The following SLC9A9 variants were observed in gnomAD, a reference collection of about 807,000 sequenced individuals.
SLC9A9 encodes the protein sodium/hydrogen exchanger 9.
Under a neutral mutation model 77.8 loss-of-function variants are expected in SLC9A9, and 62 were observed. That is an observed-to-expected ratio of 0.80 (90% CI 0.65 to 0.98). The LOEUF is 0.98. Ranked by LOEUF, SLC9A9 falls within the 50% of genes least tolerant of loss-of-function variation. SLC9A9 has a pLI of 0.00. For synonymous variants in SLC9A9, 320 were observed against 283.5 expected (o/e 1.13, Z -1.29); for missense variants, 775 against 774.9 (o/e 1.00, Z 0.00).
At chr3:143,372,966 C>T (rs930897442) in intron 13 of SLC9A9, among the ~76,000 whole-genome samples, 5 of 152,040 alleles carry the variant, frequency 3.3e-5, no homozygotes, top group African/African-American at 7.2e-5. Flanking sequence ...TAGTCATTGG[C>T]CTGAATGTGA....
intron 6 of SLC9A9, among the ~76,000 whole-genome samples, chr3:143,643,643 A>T (rs541479503): frequency 6.6e-6 from 1 of 152,304 alleles, no homozygotes; most frequent in Admixed American, 6.5e-5. Flanking sequence ...CTCTACATTT[A>T]GTAATGTTCG....
At chr3:143,752,129 T>G (rs2006744280) in intron 4 of SLC9A9, among the ~76,000 whole-genome samples, 1 of 152,124 alleles carries the variant, frequency 6.6e-6, no homozygotes, top group African/African-American at 2.4e-5. Flanking sequence ...ACCACAGAGT[T>G]CTCAGAAATC....
chr3:143,586,646 T>C (rs2037546282), intron 6 of SLC9A9, among the ~76,000 whole-genome samples: 1 of 152,248 alleles, frequency 6.6e-6, no homozygotes, highest in Admixed American at 6.5e-5. Flanking sequence ...TAATTATGAA[T>C]AAGGAATTGA....
In SLC9A9 at chr3:143,422,742, G is replaced by C. The variant is rs147859436; in HGVS notation, c.1470-40628C>G. On this transcript the variant is annotated intron_variant, in intron 12 of 15. Transcript: ENST00000316549. Reference sequence around the variant, plus strand: ...GTGTAACCCTGAATCTAAAATAAAAGTTGACATTATTTAAAAAAAGGAAAC... The same window carrying C: ...GTGTAACCCTGAATCTAAAATAAAACTTGACATTATTTAAAAAAAGGAAAC... Among the ~76,000 whole-genome samples, 586 of 152,186 alleles carry C rather than the reference G, an allele frequency of 3.9e-3. 3 individuals are homozygous for C. Among genetic ancestry groups the C allele is most frequent in the African/African-American group, 0.014 (571 of 41,510 alleles).
At chr3:143,428,977 T>C (rs990230402) in intron 12 of SLC9A9, among the ~76,000 whole-genome samples, 3 of 152,120 alleles carry the variant, frequency 2.0e-5, no homozygotes, top group African/African-American at 7.2e-5. Flanking sequence ...TTAGGAAGTT[T>C]TGGTGCTCTA....
At chr3:143,606,448 A>C (rs71621109) in intron 6 of SLC9A9, among the ~76,000 whole-genome samples, 43 of 139,224 alleles carry the variant, frequency 3.1e-4, no homozygotes, top group East Asian at 6.1e-4. Flanking sequence ...ATATATATAT[A>C]TATATATATA....
chr3:143,598,122 T>A (rs543237890), intron 6 of SLC9A9, among the ~76,000 whole-genome samples: 262 of 152,238 alleles, frequency 1.7e-3, no homozygotes, highest in Middle Eastern at 6.8e-3. Context: ...TTTTTTTAAA[T>A]GAAAATGTTA....
At chr3:143,627,422 A>C in intron 6 of SLC9A9, 2 of 223,854 alleles carry the variant, frequency 8.9e-6, no homozygotes, top group Middle Eastern at 6.0e-4. Flanking sequence ...TTCCTCAGCC[A>C]CCACCCAATT....
In SLC9A9 at chr3:143,796,975, A is replaced by C; in HGVS notation, c.379-72T>G. On this transcript the variant is annotated intron_variant, in intron 2 of 15. Transcript: ENST00000316549. Reference sequence around the variant, plus strand: ...TCATTAAAAAAACATGTTTCAAAAAACAGTTGTAATTGCTTTTGCTAAGCC... The same window carrying C: ...TCATTAAAAAAACATGTTTCAAAAACCAGTTGTAATTGCTTTTGCTAAGCC... 4 of 1,239,018 alleles carry C rather than the reference A, an allele frequency of 3.2e-6. No individual in the cohort carries two copies. In the South Asian group the frequency reaches 5.1e-5, roughly 16 times the overall value. The allele number at this position is 1,239,018 out of a possible 1,614,324, so 76.8% of individuals were successfully genotyped here. A position where few individuals can be genotyped will look rare whatever the true frequency, so the allele number is the denominator to read the frequency against.
intron 13 of SLC9A9, among the ~76,000 whole-genome samples, chr3:143,373,550 A>T (rs1022127951): frequency 1.3e-5 from 2 of 149,846 alleles, no homozygotes; most frequent in East Asian, 3.9e-4. Context: ...CTTCACCACT[A>T]TATAATTCAT....
chr3:143,382,150 C>A, intron 12 of SLC9A9, 36 bp from the exon 13 acceptor site: 3 of 1,611,540 alleles, frequency 1.9e-6, no homozygotes, highest in Non-Finnish European at 2.5e-6. Context: ...CAATCCCCTG[C>A]TGCAGAAGGA....
At chr3:143,431,513 C>T (rs1281707746) in intron 12 of SLC9A9, among the ~76,000 whole-genome samples, 2 of 143,384 alleles carry the variant, frequency 1.4e-5, no homozygotes, top group Non-Finnish European at 3.0e-5. Flanking sequence ...GATGGAGTCT[C>T]GCTCTGTCAC....
chr3:143,676,446 A>G (rs916053826), intron 5 of SLC9A9, among the ~76,000 whole-genome samples: 1 of 152,170 alleles, frequency 6.6e-6, no homozygotes, highest in African/African-American at 2.4e-5. Context: ...GAGATGTACA[A>G]TCTTAAAAGC....
At position 143,562,343 on chromosome 3, in the gene SLC9A9, G is replaced by T. The variant is rs146720563; in HGVS notation, c.1001-9893C>A. Among the ~76,000 whole-genome samples, 469 of 152,252 alleles carry T rather than the reference G, an allele frequency of 3.1e-3. 2 individuals are homozygous for T. The highest frequency in any genetic ancestry group is 9.6e-3 in the African/African-American group (399 of 41,566). On this transcript the variant is annotated intron_variant, in intron 8 of 15. Coordinates refer to ENST00000316549, the MANE Select transcript of SLC9A9 (RefSeq NM_173653.4). ...TGGCAGAGGCATTTGGGTCTTGAGA[G>T]ATGAGAAAAATTTGGGAGTGCAGGT...
intron 6 of SLC9A9, among the ~76,000 whole-genome samples, chr3:143,607,526 CAT>C (rs2037948115): frequency 6.6e-6 from 1 of 152,068 alleles, no homozygotes; most frequent in African/African-American, 2.4e-5. Context: ...TTAATTTATA[CAT>C]AGTGTCCAGG....
intron 4 of SLC9A9, among the ~76,000 whole-genome samples, chr3:143,738,299 C>T (rs1934994293): frequency 6.6e-6 from 1 of 152,168 alleles, no homozygotes; most frequent in Non-Finnish European, 1.5e-5. Flanking sequence ...CACAAGATTT[C>T]CTACAGTCCT....
At chr3:143,430,175 G>A (rs1336412073) in intron 12 of SLC9A9, among the ~76,000 whole-genome samples, 3 of 152,136 alleles carry the variant, frequency 2.0e-5, no homozygotes, top group Non-Finnish European at 4.4e-5. Context: ...TTGGAAAGAG[G>A]GTGAAGAGAG....
intron 2 of SLC9A9, among the ~76,000 whole-genome samples, chr3:143,819,969 C>A (rs555949704): frequency 1.3e-5 from 2 of 152,164 alleles, no homozygotes; most frequent in African/African-American, 2.4e-5. Flanking sequence ...GCCAAGGCCT[C>A]GACTCAAATC....
At chr3:143,350,394 T>C (rs2032415432) in intron 14 of SLC9A9, among the ~76,000 whole-genome samples, 1 of 152,212 alleles carries the variant, frequency 6.6e-6, no homozygotes, top group African/African-American at 2.4e-5. Flanking sequence ...AATCATCTGA[T>C]TCCTCATTAT....
Sources: allele counts gnomAD v4.1 joint callset (sites outside exome capture counted in the v4.1 genomes callset), GRCh38; gene constraint gnomAD v4.1.1; transcripts MANE v1.5; gene names NCBI Gene and HGNC (gene_info 2026-07-23, HGNC 2026-07-21).